Variants in PIGU observed in about 807,000 individuals in gnomAD.
PIGU encodes phosphatidylinositol glycan anchor biosynthesis class U, also known as GPI-anchor transamidase component PIGU.
Under a neutral mutation model 49.9 loss-of-function variants are expected in PIGU, and 24 were observed. The observed-to-expected ratio is 0.48, with a 90% confidence interval of 0.35 to 0.68. The LOEUF is 0.68. PIGU is among the 30% of genes least tolerant of loss of function. The pLI, the probability that PIGU is intolerant of heterozygous loss-of-function variation, is 0.01. For missense variants in PIGU, 490 were observed against 532.6 expected (o/e 0.92, Z 0.79); for synonymous variants, 220 against 205.7 (o/e 1.07, Z -0.59).
chr20:34,667,144 T>A (rs1425036992), intron 1 of PIGU, among the ~76,000 whole-genome samples: 3 of 152,166 alleles, frequency 2.0e-5, no homozygotes, highest in African/African-American at 7.2e-5. Context: ...GCCTGGCCAA[T>A]AATTCTTAGT....
At chr20:34,587,579 C>T (rs1388630570) in intron 8 of PIGU, among the ~76,000 whole-genome samples, 1 of 152,124 alleles carries the variant, frequency 6.6e-6, no homozygotes, top group East Asian at 1.9e-4. Context: ...TGTGCTAGTA[C>T]TCAAGAAAAG....
intron 1 of PIGU, among the ~76,000 whole-genome samples, chr20:34,661,989 TA>T (rs1429254998): frequency 1.3e-5 from 2 of 152,194 alleles, no homozygotes; most frequent in African/African-American, 4.8e-5. Flanking sequence ...CTCTAATGAC[TA>T]ATTATGTTGA....
At chr20:34,661,961 T>C (rs1291527234) in intron 1 of PIGU, among the ~76,000 whole-genome samples, 1 of 152,208 alleles carries the variant, frequency 6.6e-6, no homozygotes, top group East Asian at 1.9e-4. Flanking sequence ...TATCTCATTG[T>C]GGTTTTGATT....
chr20:34,599,347 G>A (rs1984324150), intron 7 of PIGU, among the ~76,000 whole-genome samples: 1 of 152,044 alleles, frequency 6.6e-6, no homozygotes, highest in Admixed American at 6.5e-5. Flanking sequence ...CAGCTACTCG[G>A]GAGGCTGAGA....
At chr20:34,615,991 C>T in intron 7 of PIGU, 51 bp downstream of exon 7, 1 of 1,567,488 alleles carries the variant, frequency 6.4e-7, no homozygotes, top group Non-Finnish European at 8.6e-7. Context: ...AGGGACCAGG[C>T]CATGTATTAA....
Position 34,585,493 on chromosome 20 carries a change from T to C in PIGU, c.870A>G (p.Val290=), listed in dbSNP as rs1600600820. The C allele has an allele frequency of 5.0e-6, 8 of 1,613,540 alleles. No homozygotes were observed. Among genetic ancestry groups the C allele is most frequent in the Non-Finnish European group, 5.1e-6 (6 of 1,179,628 alleles). The change falls in exon 9 of 12, where the codon GTA becomes GTG. Residue 290 remains valine (V), a synonymous_variant. Coordinates refer to ENST00000217446, the MANE Select transcript of PIGU (RefSeq NM_080476.5). ...EMFEHFSLFF[V]CVFQINVFFY... ...AGAAGACGTTGATCTGAAACACACA[T>C]ACAAAGAAGAGGCTGAAGTGCTCAA...
chr20:34,581,823 C>G lies in PIGU; in HGVS notation c.927-151G>C. The stretch of plus-strand genomic sequence containing the variant: ...CTATCCACAAGGCATGGGCCAGGCC[C>G]CAGTAGCAGAGCAGAAAACTGCAGG... On this transcript the variant is annotated intron_variant, in intron 9 of 11. Coordinates refer to ENST00000217446, the MANE Select transcript of PIGU (RefSeq NM_080476.5). 4 of 1,090,684 alleles carry G rather than the reference C, an allele frequency of 3.7e-6. No individual in the cohort carries two copies. In the South Asian group the frequency reaches 6.7e-5, roughly 18 times the overall value. 67.6% of individuals were successfully genotyped at this position (1,090,684 alleles called of 1,614,324 possible).
intron 1 of PIGU, among the ~76,000 whole-genome samples, chr20:34,669,753 G>A (rs1056871194): frequency 2.6e-5 from 4 of 151,800 alleles, no homozygotes; most frequent in South Asian, 2.1e-4. Context: ...AGAGATGATA[G>A]AGGAACATGT....
chr20:34,562,698 C>T, intron 11 of PIGU: 1 of 640,770 alleles, frequency 1.6e-6, no homozygotes. Context: ...CTGCCTGGGG[C>T]CCAGATCACT....
intron 11 of PIGU, chr20:34,562,711 T>G: frequency 1.8e-6 from 1 of 545,210 alleles, no homozygotes; most frequent in Non-Finnish European, 3.1e-6. Context: ...AGATCACTGA[T>G]GAGCACGAGA....
chr20:34,607,854 G>C (rs1018377148), intron 7 of PIGU, among the ~76,000 whole-genome samples: 3 of 152,152 alleles, frequency 2.0e-5, no homozygotes, highest in African/African-American at 7.2e-5. Context: ...GGGATCAAGT[G>C]ATCCTCCTGC....
intron 1 of PIGU, among the ~76,000 whole-genome samples, chr20:34,670,332 G>A (rs1224916987): frequency 4.6e-5 from 7 of 151,722 alleles, no homozygotes; most frequent in Non-Finnish European, 7.4e-5. Context: ...TGGGACTACA[G>A]GCTCCTGCCA....
Position 34,560,759 on chromosome 20 carries a change from C to G in PIGU, c.*107G>C, listed in dbSNP as rs1982454891. The G allele has an allele frequency of 1.3e-6, 1 of 777,592 alleles. No individual in the cohort carries two copies. Among genetic ancestry groups the G allele is most frequent in the South Asian group, 2.1e-5 (1 of 47,396 alleles). The allele number at this position is 777,592 out of a possible 1,614,324, so 48.2% of individuals were successfully genotyped here. A position where few individuals can be genotyped will look rare whatever the true frequency, so the allele number is the denominator to read the frequency against. Reference sequence around the variant, plus strand: ...AGAGACTTGTGACCCTGGACTCGAACCTCTTCTGCCCAAGCACTCGCCTGC... The same window carrying G: ...AGAGACTTGTGACCCTGGACTCGAAGCTCTTCTGCCCAAGCACTCGCCTGC... On this transcript the variant is annotated 3_prime_UTR_variant, in exon 12 of 12. Transcript: ENST00000217446.
chr20:34,586,414 C>G (rs1292539575), intron 8 of PIGU, among the ~76,000 whole-genome samples: 4 of 152,136 alleles, frequency 2.6e-5, no homozygotes, highest in Non-Finnish European at 5.9e-5. Context: ...ATCCGTGGCC[C>G]AGGAGAAAGA....
intron 1 of PIGU, among the ~76,000 whole-genome samples, chr20:34,673,218 C>A (rs1011996111): frequency 7.1e-6 from 1 of 140,564 alleles, no homozygotes; most frequent in Non-Finnish European, 1.5e-5. Context: ...TGCACCACTG[C>A]ACTCCAGCCT....
intron 6 of PIGU, among the ~76,000 whole-genome samples, chr20:34,618,642 C>T (rs1315559398): frequency 6.6e-6 from 1 of 152,122 alleles, no homozygotes; most frequent in Admixed American, 6.6e-5. Context: ...AAAAAATAAG[C>T]TGGGTGTGGT....
intron 3 of PIGU, 63 bp downstream of exon 3, chr20:34,645,212 G>T: frequency 3.7e-6 from 5 of 1,364,038 alleles, no homozygotes; most frequent in Non-Finnish European, 4.8e-6. Flanking sequence ...AAGAGAGAGA[G>T]AGACAATAAA....
chr20:34,651,804 C>T (rs1376152941), intron 2 of PIGU, among the ~76,000 whole-genome samples: 1 of 152,090 alleles, frequency 6.6e-6, no homozygotes, highest in South Asian at 2.1e-4. Context: ...GTCAGATTCG[C>T]ATTTAAATCC....
At chr20:34,675,268 AAG>A (rs34356144) in intron 1 of PIGU, among the ~76,000 whole-genome samples, 5 of 130,428 alleles carry the variant, frequency 3.8e-5, no homozygotes, top group Admixed American at 2.7e-4. Context: ...AAAAAAAAAA[AAG>A]AGAGAGAGAG....
Sources: allele counts gnomAD v4.1 joint callset (sites outside exome capture counted in the v4.1 genomes callset), GRCh38; gene constraint gnomAD v4.1.1; transcripts MANE v1.5; gene names NCBI Gene and HGNC (gene_info 2026-07-23, HGNC 2026-07-21).